MICALL1: variants seen among roughly 807,000 people sequenced by gnomAD.
The protein encoded by MICALL1 is MICAL-like protein 1.
MICALL1 carries 61 observed loss-of-function variants against 83.7 expected under a neutral mutation model. That is an observed-to-expected ratio of 0.73 (90% CI 0.59 to 0.90). The LOEUF is 0.90. Among genes scored for constraint, MICALL1 ranks in the 40% least tolerant of loss-of-function variants. The probability of loss-of-function intolerance (pLI) is 0.00; values close to 1 mark genes in which losing one functional copy is unlikely to be tolerated. For synonymous variants in MICALL1, 481 were observed against 473.6 expected (o/e 1.02, Z -0.20); for missense variants, 1,066 against 1,152.0 (o/e 0.93, Z 1.08).
Position 37,931,785 on chromosome 22 carries a change from C to T in MICALL1, c.1882-14C>T, listed in dbSNP as rs370059606. 3.1e-5 allele frequency: 50 copies of T among 1,613,856 alleles called. No homozygotes were observed. Among genetic ancestry groups the T allele is most frequent in the Non-Finnish European group, 3.9e-5 (46 of 1,179,946 alleles). On this transcript the variant is annotated splice_polypyrimidine_tract_variant and intron_variant, in intron 9 of 15. Transcript: ENST00000215957. ...TTCCCAGGCTCACCCTCTGTCATGT[C>T]TCCTTCCCTTTAGTCCTCCTGCAAG...
Position 37,926,034 on chromosome 22 carries a change from T to TC in MICALL1, c.1460dup (p.Leu488ThrfsTer30). ...CCCTGCCCCGCGCGCACCCAGCGCG[T>TC]CCCCACTGGGTGAGTGCCTTTCCTG... On this transcript the variant is annotated frameshift_variant, in exon 8 of 16. Coordinates refer to ENST00000215957, the MANE Select transcript of MICALL1 (RefSeq NM_033386.4). LOFTEE classifies it high-confidence loss of function. The TC allele has an allele frequency of 6.3e-7, 1 of 1,598,982 alleles. No individual in the cohort carries two copies. Among genetic ancestry groups the TC allele is most frequent in the Non-Finnish European group, 8.5e-7 (1 of 1,171,156 alleles).
At chr22:37,923,822 C>T (rs1929248620) in intron 6 of MICALL1, among the ~76,000 whole-genome samples, 1 of 152,176 alleles carries the variant, frequency 6.6e-6, no homozygotes, top group African/African-American at 2.4e-5. Flanking sequence ...CCTCCATGCC[C>T]AGCCTCTATG....
chr22:37,926,124 A>C, intron 8 of MICALL1, 81 bp downstream of exon 8: 1 of 1,458,108 alleles, frequency 6.9e-7, no homozygotes, highest in Non-Finnish European at 9.1e-7. Context: ...GTGGTGGGGC[A>C]GAGCCTACCA....
chr22:37,925,834 T>G lies in MICALL1; in HGVS notation c.1256T>G (p.Leu419Arg). ...EVAQPSPTAS[L>R]ESKPYNPFEE... ...GCCCAGCCGAGCCCAACGGCCAGCC[T>G]GGAGTCCAAACCCTATAACCCCTTT... Residue 419 changes from leucine to arginine, a missense_variant, in exon 8 of 16, where the codon CTG becomes CGG. Leu to Arg is a moderately radical substitution (Grantham distance 102). Coordinates refer to ENST00000215957, the MANE Select transcript of MICALL1 (RefSeq NM_033386.4). 1 of 1,613,788 alleles carries G rather than the reference T, an allele frequency of 6.2e-7. No individual in the cohort carries two copies. Among genetic ancestry groups the G allele is most frequent in the Non-Finnish European group, 8.5e-7 (1 of 1,179,972 alleles).
At chr22:37,937,502 C>T (rs1302424499) in intron 14 of MICALL1, among the ~76,000 whole-genome samples, 2 of 149,494 alleles carry the variant, frequency 1.3e-5, no homozygotes, top group Non-Finnish European at 3.0e-5. Context: ...CGGCTCACTA[C>T]AACCTCTGTC....
chr22:37,907,768 G>C (rs111530119), intron 1 of MICALL1, among the ~76,000 whole-genome samples: 2,151 of 152,346 alleles, frequency 0.014, 55 homozygotes, highest in African/African-American at 0.049. Flanking sequence ...CCCTGGAGGA[G>C]AGGGTTTTGG....
chr22:37,929,201 T>C (rs575695857), intron 9 of MICALL1, among the ~76,000 whole-genome samples: 2 of 152,158 alleles, frequency 1.3e-5, no homozygotes, highest in South Asian at 2.1e-4. Context: ...GAAGGTGACC[T>C]AGAGTAGAGC....
chr22:37,908,204 G>A (rs1228387122), intron 1 of MICALL1, among the ~76,000 whole-genome samples: 1 of 152,098 alleles, frequency 6.6e-6, no homozygotes, highest in African/African-American at 2.4e-5. Flanking sequence ...GATTGATAAT[G>A]TGACACAGCT....
chr22:37,927,878 G>T, intron 9 of MICALL1, 52 bp downstream of exon 9: 1 of 1,515,942 alleles, frequency 6.6e-7, no homozygotes, highest in Non-Finnish European at 8.9e-7. Context: ...AGTGGATGCG[G>T]GTCTGGTCTC....
intron 3 of MICALL1, among the ~76,000 whole-genome samples, chr22:37,914,540 TTATA>T (rs537663997): frequency 1.3e-5 from 2 of 150,530 alleles, no homozygotes; most frequent in Non-Finnish European, 3.0e-5. Context: ...TTTTCTTTCA[TTATA>T]TATATATATG....
Position 37,916,513 on chromosome 22 carries a change from C to T in MICALL1, c.338-1194C>T, listed in dbSNP as rs568849524. Among the ~76,000 whole-genome samples the T allele has an allele frequency of 2.0e-5, 3 of 152,112 alleles. No homozygotes were observed. In the East Asian group the frequency reaches 5.8e-4, roughly 29 times the overall value. ...ATGGTCCTGTACTGTACTTTCTGGG[C>T]GAGTGGAGGCATTTCAAGAGTGACT... On this transcript the variant is annotated intron_variant, in intron 3 of 15. Coordinates refer to ENST00000215957, the MANE Select transcript of MICALL1 (RefSeq NM_033386.4).
intron 13 of MICALL1, among the ~76,000 whole-genome samples, chr22:37,936,702 C>A (rs1206949018): frequency 6.6e-6 from 1 of 152,168 alleles, no homozygotes. Flanking sequence ...ACCATCCTGG[C>A]CAACATGGTG....
chr22:37,935,651 C>T (rs1486302836), intron 13 of MICALL1, among the ~76,000 whole-genome samples: 2 of 149,906 alleles, frequency 1.3e-5, no homozygotes, highest in South Asian at 2.1e-4. Context: ...CTCCCAGGTT[C>T]AAGCGATTTT....
At chr22:37,908,060 G>A (rs574333239) in intron 1 of MICALL1, among the ~76,000 whole-genome samples, 3 of 152,246 alleles carry the variant, frequency 2.0e-5, no homozygotes, top group African/African-American at 7.2e-5. Flanking sequence ...AAGCCATTTG[G>A]TGGGCCTGAG....
chr22:37,919,062 G>A lies in MICALL1; in HGVS notation c.453G>A (p.Leu151=). The change falls in exon 5 of 16, where the codon CTG becomes CTA. Residue 151 remains leucine (L), a synonymous_variant. Transcript: ENST00000215957. ...AQGEELSSGS[L]SEQGTGQTPS... ...GCGAGGAGCTCTCCTCAGGCAGCCTGTCAGAGCAGGGCACCGGCCAGACCC... is the reference window on the plus strand; with the variant it reads ...GCGAGGAGCTCTCCTCAGGCAGCCTATCAGAGCAGGGCACCGGCCAGACCC... 1 of 1,552,230 alleles carries A rather than the reference G, an allele frequency of 6.4e-7. No individual in the cohort carries two copies. The highest frequency in any genetic ancestry group is 8.7e-7 in the Non-Finnish European group (1 of 1,147,614).
chr22:37,911,255 A>G (rs999220323), intron 1 of MICALL1, among the ~76,000 whole-genome samples: 2 of 152,232 alleles, frequency 1.3e-5, no homozygotes, highest in African/African-American at 4.8e-5. Flanking sequence ...GTTCTATGCC[A>G]GCAGCTCCGG....
chr22:37,909,773 C>T (rs372885500), intron 1 of MICALL1, among the ~76,000 whole-genome samples: 4 of 152,338 alleles, frequency 2.6e-5, no homozygotes, highest in East Asian at 1.9e-4. Flanking sequence ...ATATTGCCAG[C>T]GCATTGCACA....
At chr22:37,909,246 G>A (rs932616086) in intron 1 of MICALL1, among the ~76,000 whole-genome samples, 24 of 151,774 alleles carry the variant, frequency 1.6e-4, no homozygotes, top group Non-Finnish European at 3.5e-4. Flanking sequence ...TAGAGATGGG[G>A]TTTCACCATG....
intron 13 of MICALL1, among the ~76,000 whole-genome samples, chr22:37,934,572 T>TG (rs5845359): frequency 0.25 from 36,157 of 142,820 alleles, 5,452 homozygotes; most frequent in Non-Finnish European, 0.34. Flanking sequence ...TTATTTATTT[T>TG]GGGGGGGGGT....
Sources: gnomAD v4.1 joint callset for allele counts (sites outside exome capture counted in the v4.1 genomes callset) on GRCh38, gnomAD v4.1.1 for gene constraint, MANE v1.5 for transcripts, NCBI Gene and HGNC (gene_info 2026-07-23, HGNC 2026-07-21) for gene names.